Variants in BNC2 observed in about 807,000 individuals in gnomAD.
The protein encoded by BNC2 is basonuclin zinc finger protein 2, also known as zinc finger protein basonuclin-2.
A neutral mutation model predicts 76.3 loss-of-function variants in BNC2; 20 were observed. The ratio of observed to expected loss-of-function variants is 0.26; its 90% CI spans 0.18 to 0.38. The LOEUF (loss-of-function observed/expected upper bound fraction) is 0.38, where lower values mean the gene tolerates loss of function less well. Ranked by LOEUF, BNC2 falls within the 10% of genes least tolerant of loss-of-function variation. BNC2 has a pLI of 1.00. For synonymous variants in BNC2, 582 were observed against 514.8 expected (o/e 1.13, Z -1.77); for missense variants, 1,382 against 1,399.8 (o/e 0.99, Z 0.20).
chr9:16,709,176 G>A (rs1172283792), intron 3 of BNC2, among the ~76,000 whole-genome samples: 1 of 152,054 alleles, frequency 6.6e-6, no homozygotes, highest in Non-Finnish European at 1.5e-5. Flanking sequence ...AGCAAGGAGT[G>A]AGCAAGCCAC....
intron 3 of BNC2, among the ~76,000 whole-genome samples, chr9:16,665,443 AAAGAAAGAAAGAAAG>A (rs1244223365): frequency 0.053 from 4,938 of 94,008 alleles, 308 homozygotes; most frequent in East Asian, 0.36. Context: ...GAAAAGAAAG[AAAGAAAGAAAGAAAG>A]AAAGAAAGAA....
intron 3 of BNC2, among the ~76,000 whole-genome samples, chr9:16,642,143 C>T (rs1324382672): frequency 6.6e-6 from 1 of 152,154 alleles, no homozygotes; most frequent in Non-Finnish European, 1.5e-5. Flanking sequence ...CCAACATGCT[C>T]CTTCCACTTC....
intron 3 of BNC2, among the ~76,000 whole-genome samples, chr9:16,607,995 C>T (rs977834518): frequency 6.6e-6 from 1 of 152,144 alleles, no homozygotes. Context: ...ATGGTACAAG[C>T]ATCAGTCACA....
intron 1 of BNC2, among the ~76,000 whole-genome samples, chr9:16,768,444 CAG>C (rs1412070589): frequency 6.6e-6 from 1 of 152,026 alleles, no homozygotes; most frequent in Non-Finnish European, 1.5e-5. Context: ...ATAATGGCAA[CAG>C]AGACATTTAA....
At chr9:16,539,341 A>G (rs1018453854) in intron 5 of BNC2, among the ~76,000 whole-genome samples, 2 of 151,802 alleles carry the variant, frequency 1.3e-5, no homozygotes, top group African/African-American at 4.8e-5. Context: ...GCAATACGAT[A>G]AAATCCCATT....
chr9:16,413,634 A>T lies in BNC2; in HGVS notation c.*5355T>A, dbSNP rs1057383. 0.57 allele frequency: 86,552 copies of T among 151,980 alleles called. 28,115 individuals carry two copies. The highest frequency in any genetic ancestry group is 0.89 in the African/African-American group (37,080 of 41,490). 9.4% of individuals were successfully genotyped at this position (151,980 alleles called of 1,614,324 possible). On this transcript the variant is annotated 3_prime_UTR_variant, in exon 7 of 7. Transcript: ENST00000380672. ...CTCACTGGTCAGTTGTACAGCTGGA[A>T]TTACACAATACTTTTTGAAAATGAC...
At chr9:16,544,772 TGCACTCCAGC>T (rs1818426271) in intron 5 of BNC2, among the ~76,000 whole-genome samples, 1 of 147,910 alleles carries the variant, frequency 6.8e-6, no homozygotes, top group Non-Finnish European at 1.5e-5. Flanking sequence ...ATCATGTCAC[TGCACTCCAGC>T]CTGGGAGACA....
chr9:16,613,533 C>T (rs568904619), intron 3 of BNC2, among the ~76,000 whole-genome samples: 27 of 152,176 alleles, frequency 1.8e-4, no homozygotes, highest in Non-Finnish European at 3.8e-4. Context: ...TTATAACAAA[C>T]GCCAACACCT....
intron 5 of BNC2, among the ~76,000 whole-genome samples, chr9:16,468,383 T>C (rs1821741258): frequency 6.6e-6 from 1 of 151,862 alleles, no homozygotes; most frequent in Admixed American, 6.6e-5. Flanking sequence ...TTATATGCAG[T>C]ATCTTTATTT....
At position 16,660,799 on chromosome 9, in the gene BNC2, T is replaced by G. The variant is rs187130677; in HGVS notation, c.330+66998A>C. On this transcript the variant is annotated intron_variant, in intron 3 of 6. Coordinates refer to ENST00000380672, the MANE Select transcript of BNC2 (RefSeq NM_017637.6). ...AAAATAATAGTAATTTAAAAATCAA[T>G]ACAGTATACCAATTATTTACATAGT... Among the ~76,000 whole-genome samples, 6 of 152,202 alleles carry G rather than the reference T, an allele frequency of 3.9e-5. No homozygotes were observed. In the East Asian group the frequency reaches 9.7e-4, roughly 25 times the overall value.
intron 6 of BNC2, chr9:16,431,600 GTC>G (rs1041984091): frequency 2.4e-5 from 7 of 286,904 alleles, no homozygotes; most frequent in African/African-American, 1.3e-4. Flanking sequence ...GGAGGAAAGG[GTC>G]TTTAGAGACT....
intron 5 of BNC2, among the ~76,000 whole-genome samples, chr9:16,484,747 G>A (rs745827295): frequency 3.3e-5 from 5 of 152,132 alleles, no homozygotes; most frequent in Non-Finnish European, 5.9e-5. Context: ...ACATTTCACT[G>A]TGCCACGACC....
At chr9:16,691,661 C>G (rs1200893794) in intron 3 of BNC2, among the ~76,000 whole-genome samples, 3 of 151,806 alleles carry the variant, frequency 2.0e-5, no homozygotes, top group African/African-American at 4.8e-5. Context: ...AAGCACCCAC[C>G]ACCACGCCCA....
chr9:16,518,164 C>T (rs1817494419), intron 5 of BNC2, among the ~76,000 whole-genome samples: 1 of 152,156 alleles, frequency 6.6e-6, no homozygotes. Flanking sequence ...CGTGGTTGCT[C>T]ATGCATGTAA....
chr9:16,576,748 G>A (rs1460018576), intron 4 of BNC2, among the ~76,000 whole-genome samples: 1 of 151,980 alleles, frequency 6.6e-6, no homozygotes, highest in Non-Finnish European at 1.5e-5. Flanking sequence ...TTTTTTTGTT[G>A]TTGTTGTTGA....
intron 1 of BNC2, among the ~76,000 whole-genome samples, chr9:16,851,219 G>C (rs974705477): frequency 1.3e-5 from 2 of 152,112 alleles, no homozygotes; most frequent in African/African-American, 4.8e-5. Flanking sequence ...TTTAAAATCA[G>C]TACAGCGGCT....
At chr9:16,508,109 C>T (rs1822670528) in intron 5 of BNC2, among the ~76,000 whole-genome samples, 1 of 152,306 alleles carries the variant, frequency 6.6e-6, no homozygotes, top group Admixed American at 6.5e-5. Context: ...AAACAGGTAA[C>T]AACAGCATAT....
Position 16,484,239 on chromosome 9 carries a change from G to A in BNC2, c.670-46715C>T, listed in dbSNP as rs866202775. Reference sequence around the variant, plus strand: ...CTCAAAAAAGGCAGCACAGTAGCTGGTGTAGGGATGTGACAGAATGTTTTT... The same window carrying A: ...CTCAAAAAAGGCAGCACAGTAGCTGATGTAGGGATGTGACAGAATGTTTTT... On this transcript the variant is annotated intron_variant, in intron 5 of 6. Coordinates refer to ENST00000380672, the MANE Select transcript of BNC2 (RefSeq NM_017637.6). Among the ~76,000 whole-genome samples the A allele has an allele frequency of 3.3e-5, 5 of 152,306 alleles. No homozygotes were observed. In the Middle Eastern group the frequency reaches 0.017, roughly 518 times the overall value.
At chr9:16,737,238 C>CTTTTTTTTTTTTT (rs559930240) in intron 2 of BNC2, among the ~76,000 whole-genome samples, 2 of 91,302 alleles carry the variant, frequency 2.2e-5, no homozygotes, top group Admixed American at 1.7e-4. Flanking sequence ...CACACCTGGC[C>CTTTTTTTTTTTTT]TTTTTTTTTT....
Sources: gnomAD v4.1 joint callset for allele counts (sites outside exome capture counted in the v4.1 genomes callset) on GRCh38, gnomAD v4.1.1 for gene constraint, MANE v1.5 for transcripts, NCBI Gene and HGNC (gene_info 2026-07-23, HGNC 2026-07-21) for gene names.